Variants in MAPKAPK2 observed in about 807,000 individuals in gnomAD.
MAPKAPK2 encodes MAP kinase-activated protein kinase 2.
MAPKAPK2 carries 9 observed loss-of-function variants against 48.8 expected under a neutral mutation model. The observed-to-expected ratio is 0.18, with a 90% confidence interval of 0.11 to 0.32. The LOEUF (loss-of-function observed/expected upper bound fraction) is 0.32. Ranked by LOEUF, MAPKAPK2 falls within the 10% of genes least tolerant of loss-of-function variation. MAPKAPK2 has a pLI of 1.00. For missense variants in MAPKAPK2, 331 were observed against 498.3 expected (o/e 0.66, Z 3.20); for synonymous variants, 202 against 190.6 (o/e 1.06, Z -0.49).
rs1312650019 is a variant in MAPKAPK2 at position 206,704,236 on chromosome 1, G to A, written c.279+18728G>A. Reference sequence around the variant, plus strand: ...GAACGCACTAGACTTTCTGGGAAATGTTGAAGATTTACGCCTGTCTGAGTG... The same window carrying A: ...GAACGCACTAGACTTTCTGGGAAATATTGAAGATTTACGCCTGTCTGAGTG... On this transcript the variant is annotated intron_variant, in intron 1 of 9. Coordinates refer to ENST00000367103, the MANE Select transcript of MAPKAPK2 (RefSeq NM_032960.4). This position sits in a 1 kb window ranked among gnomAD's most constrained non-coding sequence, Gnocchi z 4.3. Among the ~76,000 whole-genome samples, 3 of 152,174 alleles carry A rather than the reference G, an allele frequency of 2.0e-5. No individual in the cohort carries two copies. Among genetic ancestry groups the A allele is most frequent in the African/African-American group, 7.2e-5 (3 of 41,450 alleles).
At chr1:206,717,359 T>C (rs1553430529) in intron 1 of MAPKAPK2, among the ~76,000 whole-genome samples, 1 of 152,184 alleles carries the variant, frequency 6.6e-6, no homozygotes, top group African/African-American at 2.4e-5. Flanking sequence ...ATTGATGCGG[T>C]TGAAATGAAA....
chr1:206,725,598 T>C (rs955573883), intron 1 of MAPKAPK2, among the ~76,000 whole-genome samples: 4 of 152,232 alleles, frequency 2.6e-5, no homozygotes, highest in African/African-American at 9.6e-5. Context: ...GCACAGGCTC[T>C]GAAAGGTAGA....
intron 1 of MAPKAPK2, among the ~76,000 whole-genome samples, chr1:206,708,839 C>CT (rs1293574639): frequency 6.6e-6 from 1 of 152,138 alleles, no homozygotes; most frequent in Non-Finnish European, 1.5e-5. Context: ...ATTAGTTTTG[C>CT]TTTTTCTGGA....
intron 1 of MAPKAPK2, among the ~76,000 whole-genome samples, chr1:206,705,103 T>G (rs1433204243): frequency 1.3e-5 from 2 of 152,180 alleles, no homozygotes; most frequent in African/African-American, 4.8e-5. Context: ...ATTTGAGAAA[T>G]GGCAACAGCC....
intron 1 of MAPKAPK2, among the ~76,000 whole-genome samples, chr1:206,727,015 C>T (rs1553431906): frequency 6.6e-6 from 1 of 152,102 alleles, no homozygotes; most frequent in African/African-American, 2.4e-5. Context: ...TTCCCTCTGC[C>T]TTCATGCCTT....
rs1392382912 is a variant in MAPKAPK2, at chr1:206,704,263, C to G, written c.279+18755C>G. 2.0e-5 allele frequency among the ~76,000 whole-genome samples: 3 copies of G among 152,238 alleles called. No individual in the cohort carries two copies. The highest frequency in any genetic ancestry group is 2.9e-5 in the Non-Finnish European group (2 of 68,038). ...TGAAGATTTACGCCTGTCTGAGTGT[C>G]TCTCACTCGTTGTTACCTGTCCATT... On this transcript the variant is annotated intron_variant, in intron 1 of 9. Transcript: ENST00000367103. The surrounding 1 kb of genome is among the most constrained non-coding windows in gnomAD (Gnocchi z 4.3).
Position 206,732,953 on chromosome 1 carries a change from T to C in MAPKAPK2, c.*235T>C, listed in dbSNP as rs1673976602. On this transcript the variant is annotated 3_prime_UTR_variant, in exon 10 of 10. Coordinates refer to ENST00000367103, the MANE Select transcript of MAPKAPK2 (RefSeq NM_032960.4). The surrounding 1 kb of genome is among the most constrained non-coding windows in gnomAD (Gnocchi z 4.4). ...GAGCAAGGTGCTCTTGAACCTGTGC[T>C]CATTTTGCAATTTTATCAGTAATTT... 4.1e-6 allele frequency: 2 copies of C among 486,650 alleles called. No individual in the cohort carries two copies. The highest frequency in any genetic ancestry group is 3.6e-5 in the Admixed American group (1 of 28,046). The allele number at this position is 486,650 out of a possible 1,614,324, so 30.1% of individuals were successfully genotyped here. A position where few individuals can be genotyped will look rare whatever the true frequency, so the allele number is the denominator to read the frequency against.
chr1:206,721,282 A>G (rs935858760), intron 1 of MAPKAPK2, among the ~76,000 whole-genome samples: 1 of 152,216 alleles, frequency 6.6e-6, no homozygotes, highest in Non-Finnish European at 1.5e-5. Flanking sequence ...AGCAGATACT[A>G]GTGCCAAGCT....
intron 1 of MAPKAPK2, among the ~76,000 whole-genome samples, chr1:206,724,714 C>T (rs1553431694): frequency 6.6e-6 from 1 of 152,106 alleles, no homozygotes. Context: ...CACCCTCAGT[C>T]ACTGGGGGAG....
chr1:206,699,650 TC>T (rs1262722579), intron 1 of MAPKAPK2, among the ~76,000 whole-genome samples: 1 of 152,202 alleles, frequency 6.6e-6, no homozygotes, highest in Non-Finnish European at 1.5e-5. Context: ...CTTTTTATCC[TC>T]CTTTGGGCCC....
Position 206,732,543 on chromosome 1 carries a change from C to T in MAPKAPK2, c.1060-32C>T. 1 of 1,612,394 alleles carries T rather than the reference C, an allele frequency of 6.2e-7. No homozygotes were observed. Among genetic ancestry groups the T allele is most frequent in the Non-Finnish European group, 8.5e-7 (1 of 1,179,376 alleles). Reference sequence around the variant, plus strand: ...TCTCCTACCTGTCTTCTGGCTCTCTCTGTACCCTTCCTGGTGCTGCCGTGC... The same window carrying T: ...TCTCCTACCTGTCTTCTGGCTCTCTTTGTACCCTTCCTGGTGCTGCCGTGC... On this transcript the variant is annotated intron_variant, in intron 9 of 9. Coordinates refer to ENST00000367103, the MANE Select transcript of MAPKAPK2 (RefSeq NM_032960.4). The surrounding 1 kb of genome is among the most constrained non-coding windows in gnomAD (Gnocchi z 4.4).
In MAPKAPK2 at chr1:206,724,012, T is replaced by C. The variant is rs1426541725; in HGVS notation, c.280-4698T>C. The stretch of plus-strand genomic sequence containing the variant: ...ACTGTGGGGCTGAGGTGAGTCACAA[T>C]GTTGGACCGGGGCTTAGTTTGGGCT... On this transcript the variant is annotated intron_variant, in intron 1 of 9. Coordinates refer to ENST00000367103, the MANE Select transcript of MAPKAPK2 (RefSeq NM_032960.4). Among the ~76,000 whole-genome samples the C allele has an allele frequency of 7.2e-5, 11 of 152,240 alleles. No individual in the cohort carries two copies. The East Asian group carries it at 1.9e-3, about 27-fold the overall frequency.
chr1:206,712,687 G>A (rs1553429683), intron 1 of MAPKAPK2, among the ~76,000 whole-genome samples: 2 of 152,100 alleles, frequency 1.3e-5, no homozygotes, highest in African/African-American at 4.8e-5. Flanking sequence ...AGCCAGTCTG[G>A]TGTGGTGGCT....
chr1:206,703,648 C>T (rs2102388733), intron 1 of MAPKAPK2, among the ~76,000 whole-genome samples: 1 of 152,326 alleles, frequency 6.6e-6, no homozygotes. Flanking sequence ...CACTTGTATT[C>T]AGCGATAGAG....
chr1:206,713,137 C>T (rs1462136179), intron 1 of MAPKAPK2, among the ~76,000 whole-genome samples: 1 of 152,128 alleles, frequency 6.6e-6, no homozygotes, highest in Non-Finnish European at 1.5e-5. Context: ...TCCCAGCTTC[C>T]AAGAGGTACA....
Position 206,731,406 on chromosome 1 carries a change from G to T in MAPKAPK2, c.892+144G>T. On this transcript the variant is annotated intron_variant, in intron 7 of 9. Coordinates refer to ENST00000367103, the MANE Select transcript of MAPKAPK2 (RefSeq NM_032960.4). The surrounding 1 kb of genome is among the most constrained non-coding windows in gnomAD (Gnocchi z 5.9). The stretch of plus-strand genomic sequence containing the variant: ...TTAGCACCTATGCCCACGCCTGCGG[G>T]GTGCGTCCTGCTTCATTTTGCCTGT... 2.1e-6 allele frequency: 3 copies of T among 1,451,664 alleles called. No homozygotes were observed. The highest frequency in any genetic ancestry group is 2.8e-6 in the Non-Finnish European group (3 of 1,076,368). 89.9% of individuals were successfully genotyped at this position (1,451,664 alleles called of 1,614,324 possible). A position where few individuals can be genotyped will look rare whatever the true frequency, so the allele number is the denominator to read the frequency against.
intron 1 of MAPKAPK2, among the ~76,000 whole-genome samples, chr1:206,693,934 A>C (rs1672534135): frequency 6.6e-6 from 1 of 152,136 alleles, no homozygotes; most frequent in Admixed American, 6.5e-5. Flanking sequence ...GCAGAATGTC[A>C]CCGAGTGCAT....
intron 1 of MAPKAPK2, among the ~76,000 whole-genome samples, chr1:206,701,522 A>G (rs555697362): frequency 8.6e-4 from 131 of 152,208 alleles, no homozygotes; most frequent in African/African-American, 3.1e-3. Context: ...TTCATTTAGA[A>G]AAGGATCTTA....
At chr1:206,700,304 A>G (rs1426725673) in intron 1 of MAPKAPK2, among the ~76,000 whole-genome samples, 1 of 152,146 alleles carries the variant, frequency 6.6e-6, no homozygotes, top group African/African-American at 2.4e-5. Flanking sequence ...GAGCTGTTGC[A>G]TCCACTCACA....
Sources: gnomAD v4.1 joint callset for allele counts (sites outside exome capture counted in the v4.1 genomes callset) on GRCh38, gnomAD v4.1.1 for gene constraint, Gnocchi (gnomAD v3.1) non-coding constraint, MANE v1.5 for transcripts, NCBI Gene and HGNC (gene_info 2026-07-23, HGNC 2026-07-21) for gene names.